The following AVEN variants were observed in gnomAD, a reference collection of about 807,000 sequenced individuals.
The protein encoded by AVEN is apoptosis and caspase activation inhibitor, also known as cell death regulator Aven.
Under a neutral mutation model 38.1 loss-of-function variants are expected in AVEN, and 41 were observed. The observed-to-expected ratio is 1.08, with a 90% CI of 0.84 to 1.40. AVEN has a LOEUF of 1.40. Among genes scored for constraint, AVEN ranks in the 40% most tolerant of loss-of-function variants. The pLI is 0.00. For synonymous variants in AVEN, 206 were observed against 171.8 expected (o/e 1.20, Z -1.56); for missense variants, 605 against 438.8 (o/e 1.38, Z -3.38).
chr15:33,873,607 A>G (rs1891095074), intron 3 of AVEN, among the ~76,000 whole-genome samples: 1 of 148,926 alleles, frequency 6.7e-6, no homozygotes, highest in Non-Finnish European at 1.5e-5. Context: ...ATTATATATT[A>G]TATATATCCA....
chr15:34,023,611 G>A (rs1203645940), intron 1 of AVEN, among the ~76,000 whole-genome samples: 1 of 152,038 alleles, frequency 6.6e-6, no homozygotes, highest in African/African-American at 2.4e-5. Flanking sequence ...AACAAAAGAT[G>A]GAAGAAAATA....
At chr15:33,872,704 C>A (rs1261811773) in intron 3 of AVEN, among the ~76,000 whole-genome samples, 1 of 152,136 alleles carries the variant, frequency 6.6e-6, no homozygotes, top group Non-Finnish European at 1.5e-5. Flanking sequence ...ACCATGTCAA[C>A]AGAAATTTAA....
chr15:33,899,562 C>T (rs964895173), intron 2 of AVEN, among the ~76,000 whole-genome samples: 4 of 144,554 alleles, frequency 2.8e-5, no homozygotes, highest in Non-Finnish European at 6.0e-5. Context: ...CTCCGCCTCC[C>T]GGGTTCATGC....
intron 1 of AVEN, 114 bp downstream of exon 1, chr15:34,038,666 C>CG: frequency 2.9e-6 from 3 of 1,021,870 alleles, no homozygotes; most frequent in Non-Finnish European, 3.6e-6. Context: ...GCGCCGGCGC[C>CG]GCCGCCCGTC....
At chr15:33,853,030 C>G in the AVEN span, 1 of 1,599,744 alleles carries the variant, frequency 6.3e-7, no homozygotes, top group Admixed American at 1.7e-5. Context: ...CAACCTTTTT[C>G]GTTTTGTTTT....
At chr15:33,994,675 A>AGT (rs1896861848) in intron 2 of AVEN, among the ~76,000 whole-genome samples, 1 of 152,340 alleles carries the variant, frequency 6.6e-6, no homozygotes, top group East Asian at 1.9e-4. Context: ...ATATACATAC[A>AGT]GTGTGTGTGA....
chr15:33,913,664 G>A (rs559383184), intron 2 of AVEN, among the ~76,000 whole-genome samples: 1 of 152,236 alleles, frequency 6.6e-6, no homozygotes, highest in South Asian at 2.1e-4. Flanking sequence ...CTGTAAAACT[G>A]AAAACCAGCC....
At chr15:33,863,589 C>CAAACCTAAGATAT (rs1464993043), downstream of AVEN, among the ~76,000 whole-genome samples, 10 of 152,276 alleles carry the variant, frequency 6.6e-5, no homozygotes, top group South Asian at 1.0e-3. Flanking sequence ...CAGACAAACT[C>CAAACCTAAGATAT]AAACCTAAGA....
rs771696857 is a variant in AVEN, at chr15:34,063,033, T to C, written n.1526A>G. ...TCTCGGGAGTCTGGCTTGTGACCTT[T>C]GGCTTGCACTGGACTACGTGGCCAG... On this transcript the variant is annotated non_coding_transcript_exon_variant, in exon 5 of 12. Transcript: ENST00000675287. This position sits in a 1 kb window ranked among gnomAD's most constrained non-coding sequence, Gnocchi z 4.1. 1 of 1,614,238 alleles carries C rather than the reference T, an allele frequency of 6.2e-7. No individual in the cohort carries two copies. The highest frequency in any genetic ancestry group is 2.2e-5 in the East Asian group (1 of 44,886).
At chr15:33,967,563 TA>T (rs1263038882) in intron 2 of AVEN, among the ~76,000 whole-genome samples, 1 of 152,102 alleles carries the variant, frequency 6.6e-6, no homozygotes, top group Non-Finnish European at 1.5e-5. Flanking sequence ...ATTTTTGTAT[TA>T]TTTTTCAGAG....
rs1343926336 is a variant in AVEN, at chr15:33,867,629, T to G, written c.839A>C (p.Asp280Ala). The part of the protein sequence containing the change: ...KPTSPLQSAG[D>A]HLEEELDLLL... ...CAGATCTAGTTCTTCTTCCAAATGG[T>G]CTCCTGCTGACTGCAGTGGGGAAGT... Residue 280 changes from aspartate (D) to alanine (A), a missense_variant, in exon 5 of 6, where the codon GAC becomes GCC. Transcript: ENST00000306730. 1 of 1,614,196 alleles carries G rather than the reference T, an allele frequency of 6.2e-7. No individual in the cohort carries two copies.
At chr15:34,022,567 G>A (rs1597362241) in intron 1 of AVEN, among the ~76,000 whole-genome samples, 2 of 152,322 alleles carry the variant, frequency 1.3e-5, no homozygotes, top group East Asian at 3.9e-4. Flanking sequence ...CACAAACTTT[G>A]AGGCTGGGCC....
At chr15:33,861,889 C>A (rs904499590), downstream of AVEN, among the ~76,000 whole-genome samples, 9 of 152,078 alleles carry the variant, frequency 5.9e-5, no homozygotes, top group Non-Finnish European at 1.2e-4. Context: ...CCTCTCAGTG[C>A]TAGGATTACA....
chr15:33,865,234 T>TCAAAGAAGCGCGACAATTCTGGACAG (rs765138449), downstream of AVEN: 81 of 1,597,440 alleles, frequency 5.1e-5, 1 homozygote, highest in Non-Finnish European at 6.7e-5. Flanking sequence ...TAAATCTGAA[T>TCAAAGAAGCGCGACAATTCTGGACAG]CAAAGAAGCG....
intron 3 of AVEN, chr15:34,066,385 A>G (rs1413510566): frequency 1.3e-5 from 2 of 152,310 alleles, no homozygotes; most frequent in Non-Finnish European, 2.9e-5. Flanking sequence ...TTCGCAGTTG[A>G]GAGTGAAACA....
intron 2 of AVEN, among the ~76,000 whole-genome samples, chr15:33,990,183 A>G (rs958541885): frequency 6.6e-6 from 1 of 151,316 alleles, no homozygotes; most frequent in African/African-American, 2.4e-5. Context: ...CAGACTGGGC[A>G]ACAGGGTGAG....
At chr15:33,922,199 T>C (rs535845491) in intron 2 of AVEN, among the ~76,000 whole-genome samples, 14 of 152,298 alleles carry the variant, frequency 9.2e-5, no homozygotes, top group African/African-American at 3.4e-4. Flanking sequence ...ATGCAACCAC[T>C]GGAGTACAAA....
chr15:33,855,764 T>TTAA (rs1452501535), downstream of AVEN: 1 of 152,202 alleles, frequency 6.6e-6, no homozygotes, highest in African/African-American at 2.4e-5. Context: ...TATTATATAG[T>TTAA]TAATATATAA....
At chr15:34,031,747 T>C (rs1049249925) in intron 1 of AVEN, among the ~76,000 whole-genome samples, 10 of 152,164 alleles carry the variant, frequency 6.6e-5, no homozygotes, top group Admixed American at 6.5e-4. Flanking sequence ...TTTTAAGCAA[T>C]TTAAGGCTTA....
Sources: allele counts gnomAD v4.1 joint callset (sites outside exome capture counted in the v4.1 genomes callset), GRCh38; gene constraint gnomAD v4.1.1; non-coding constraint Gnocchi (gnomAD v3.1); transcripts MANE v1.5; gene names NCBI Gene and HGNC (gene_info 2026-07-23, HGNC 2026-07-21).